Variants in PIK3C2G observed in about 807,000 individuals in gnomAD.
PIK3C2G encodes phosphatidylinositol 3-kinase C2 domain-containing subunit gamma.
In PIK3C2G, 168 loss-of-function variants were observed where a neutral mutation model predicts 181.1. The observed-to-expected ratio is 0.93, with a 90% CI of 0.82 to 1.05. PIK3C2G has a LOEUF of 1.05. PIK3C2G is among the 50% of genes least tolerant of loss of function. PIK3C2G has a pLI of 0.00. For missense variants in PIK3C2G, 1,869 were observed against 1,732.8 expected, an observed-to-expected ratio of 1.08 and a Z score of -1.40; for synonymous variants, 573 against 592.2, an observed-to-expected ratio of 0.97 and a Z score of 0.47.
the PIK3C2G span, among the ~76,000 whole-genome samples, chr12:18,695,575 ACT>A: frequency 6.6e-6 from 1 of 151,652 alleles, no homozygotes; most frequent in Non-Finnish European, 1.5e-5. Flanking sequence ...AGAGTACCAC[ACT>A]CCACCCTCCA....
At chr12:18,568,263 A>G (rs775367133) in intron 29 of PIK3C2G, among the ~76,000 whole-genome samples, 3 of 152,094 alleles carry the variant, frequency 2.0e-5, no homozygotes, top group Non-Finnish European at 4.4e-5. Flanking sequence ...CACAGCTCTG[A>G]TGGATCTCAG....
At chr12:18,404,451 T>G (rs576198658) in intron 16 of PIK3C2G, among the ~76,000 whole-genome samples, 11 of 152,300 alleles carry the variant, frequency 7.2e-5, no homozygotes, top group African/African-American at 2.6e-4. Flanking sequence ...CCAGGCAATG[T>G]GCTCTGTACC....
chr12:18,688,889 C>A, the PIK3C2G span, among the ~76,000 whole-genome samples: 1,000 of 151,596 alleles, frequency 6.6e-3, 10 homozygotes, highest in African/African-American at 0.023. Flanking sequence ...AAAATTGAGG[C>A]ATAATTCCAA....
Position 18,505,345 on chromosome 12 carries a change from C to A in PIK3C2G, c.3207C>A (p.Ile1069=). Residue 1069 remains isoleucine, a synonymous_variant, in exon 24 of 33, where the codon ATC becomes ATA. Coordinates refer to ENST00000538779, the MANE Select transcript of PIK3C2G (RefSeq NM_001288772.2). The part of the protein sequence containing the change: ...SCAGWCVVTF[I]LGVCDRHNDN... Reference sequence around the variant, plus strand: ...CTGGCTGGTGTGTGGTAACATTCATCCTGGGAGTATGTGACCGTCACAATG... The same window carrying A: ...CTGGCTGGTGTGTGGTAACATTCATACTGGGAGTATGTGACCGTCACAATG... 1 of 1,612,864 alleles carries A rather than the reference C, an allele frequency of 6.2e-7. No homozygotes were observed. The highest frequency in any genetic ancestry group is 1.1e-5 in the South Asian group (1 of 90,786).
At chr12:18,376,758 G>C (rs1942470466) in intron 13 of PIK3C2G, among the ~76,000 whole-genome samples, 1 of 152,160 alleles carries the variant, frequency 6.6e-6, no homozygotes, top group African/African-American at 2.4e-5. Context: ...CCTTGAGATA[G>C]TGAGTGGGTA....
chr12:18,430,335 C>G (rs1001709567), intron 18 of PIK3C2G, among the ~76,000 whole-genome samples: 2 of 152,002 alleles, frequency 1.3e-5, no homozygotes, highest in African/African-American at 4.8e-5. Context: ...GGTAGGAAAC[C>G]ATATTATAAC....
Position 18,497,632 on chromosome 12 carries a change from T to G in PIK3C2G, c.2900T>G (p.Leu967Arg). 1 of 1,612,388 alleles carries G rather than the reference T, an allele frequency of 6.2e-7. No homozygotes were observed. The highest frequency in any genetic ancestry group is 2.2e-5 in the East Asian group (1 of 44,808). The change falls in exon 22 of 33, where the codon CTT (leucine) becomes CGT (arginine). Residue 967 changes from leucine (L) to arginine (R), a missense_variant. Coordinates refer to ENST00000538779, the MANE Select transcript of PIK3C2G (RefSeq NM_001288772.2). ...ISIIFKAGDD[L>R]RQDMLVLQLI... ...TGTTTTTAACAGGCTGGAGATGATC[T>G]TCGTCAGGATATGCTTGTTCTGCAG...
intron 26 of PIK3C2G, among the ~76,000 whole-genome samples, chr12:18,548,646 T>C (rs2136282447): frequency 6.6e-6 from 1 of 152,186 alleles, no homozygotes; most frequent in Admixed American, 6.5e-5. Flanking sequence ...CTTGTGATCC[T>C]GCCTGCATAC....
the PIK3C2G span, among the ~76,000 whole-genome samples, chr12:18,710,708 A>C: frequency 6.6e-6 from 1 of 152,150 alleles, no homozygotes; most frequent in African/African-American, 2.4e-5. Flanking sequence ...GAGATAGTTA[A>C]ATTCAGGATA....
At chr12:18,699,996 G>A in the PIK3C2G span, 1 of 1,548,524 alleles carries the variant, frequency 6.5e-7, no homozygotes, top group Non-Finnish European at 8.8e-7. Context: ...CTAATCATTG[G>A]GAAAAAAAAT....
rs1945636966 is a variant in PIK3C2G at position 18,423,937 on chromosome 12, T to C, written c.2410-8T>C. ...TGAGAAGTAAAGTAATTGTGTCTCT[T>C]ACTTCAGGCTGTCAAGTTTGAATGG... On this transcript the variant is annotated splice_region_variant and splice_polypyrimidine_tract_variant and intron_variant, in intron 17 of 32. Coordinates refer to ENST00000538779, the MANE Select transcript of PIK3C2G (RefSeq NM_001288772.2). 1.3e-6 allele frequency: 2 copies of C among 1,582,176 alleles called. No homozygotes were observed. The highest frequency in any genetic ancestry group is 1.7e-5 in the Admixed American group (1 of 59,092).
At chr12:18,390,692 T>A (rs78924168) in intron 14 of PIK3C2G, among the ~76,000 whole-genome samples, 222 of 152,276 alleles carry the variant, frequency 1.5e-3, no homozygotes, top group African/African-American at 5.2e-3. Context: ...CAATATAGAT[T>A]AACTCTATTT....
intron 31 of PIK3C2G, among the ~76,000 whole-genome samples, chr12:18,623,446 G>T (rs570401473): frequency 6.6e-6 from 1 of 151,852 alleles, no homozygotes; most frequent in East Asian, 1.9e-4. Flanking sequence ...TCATTTTGTT[G>T]TATAGTTTGA....
intron 13 of PIK3C2G, among the ~76,000 whole-genome samples, chr12:18,378,247 TAACACATTCCAC>T (rs1942589758): frequency 6.6e-6 from 1 of 152,080 alleles, no homozygotes. Flanking sequence ...GACACAAATA[TAACACATTCCAC>T]AACTTAGGTG....
intron 18 of PIK3C2G, among the ~76,000 whole-genome samples, chr12:18,456,108 C>T (rs572199110): frequency 6.6e-6 from 1 of 152,040 alleles, no homozygotes; most frequent in Non-Finnish European, 1.5e-5. Flanking sequence ...TCAGCAAAGG[C>T]AATTGTTTAT....
the PIK3C2G span, among the ~76,000 whole-genome samples, chr12:18,694,336 C>T: frequency 6.6e-6 from 1 of 152,142 alleles, no homozygotes; most frequent in African/African-American, 2.4e-5. Context: ...AACAAAAAAG[C>T]TCTCCCAACA....
intron 24 of PIK3C2G, among the ~76,000 whole-genome samples, chr12:18,533,576 G>GTAT (rs1260525150): frequency 6.6e-6 from 1 of 151,920 alleles, no homozygotes. Context: ...ACCCTTCTCT[G>GTAT]TATTGTTAGT....
At chr12:18,470,594 A>C (rs1378068887) in intron 18 of PIK3C2G, among the ~76,000 whole-genome samples, 1 of 152,120 alleles carries the variant, frequency 6.6e-6, no homozygotes, top group Non-Finnish European at 1.5e-5. Context: ...TCTCAAACCT[A>C]TTTGACCTAT....
intron 18 of PIK3C2G, 94 bp downstream of exon 18, chr12:18,424,133 A>G: frequency 1.4e-6 from 1 of 738,442 alleles, no homozygotes. Flanking sequence ...TTTACCTTAT[A>G]ATTGATACAG....
Sources: allele counts gnomAD v4.1 joint callset (sites outside exome capture counted in the v4.1 genomes callset), GRCh38; gene constraint gnomAD v4.1.1; transcripts MANE v1.5; gene names NCBI Gene and HGNC (gene_info 2026-07-23, HGNC 2026-07-21).